SLIT3: variants seen among roughly 807,000 people sequenced by gnomAD.
SLIT3 encodes the protein slit guidance ligand 3.
In SLIT3, 68 loss-of-function variants were observed where a neutral mutation model predicts 184.0. That is an observed-to-expected ratio of 0.37 (90% CI 0.30 to 0.45). The LOEUF (loss-of-function observed/expected upper bound fraction) is 0.45, where lower values mean the gene tolerates loss of function less well. SLIT3 is among the 20% of genes least tolerant of loss of function. SLIT3 has a pLI of 1.00. For synonymous variants in SLIT3, 831 were observed against 828.6 expected, an observed-to-expected ratio of 1.00 and a Z score of -0.05; for missense variants, 1,707 against 2,026.0, an observed-to-expected ratio of 0.84 and a Z score of 3.02.
At chr5:169,248,800 C>T (rs1765681739) in intron 2 of SLIT3, among the ~76,000 whole-genome samples, 1 of 152,104 alleles carries the variant, frequency 6.6e-6, no homozygotes, top group Non-Finnish European at 1.5e-5. Context: ...TTGATACCAC[C>T]AGAAGAGACT....
intron 4 of SLIT3, among the ~76,000 whole-genome samples, chr5:168,992,378 A>G (rs1382352021): frequency 1.3e-5 from 2 of 152,260 alleles, no homozygotes; most frequent in African/African-American, 4.8e-5. Context: ...AGAAAGAATT[A>G]TGATGACCGA....
intron 11 of SLIT3, among the ~76,000 whole-genome samples, chr5:168,786,416 CCTAAG>C (rs1358652676): frequency 6.6e-6 from 1 of 152,172 alleles, no homozygotes; most frequent in Non-Finnish European, 1.5e-5. Context: ...CTTAGGAATT[CCTAAG>C]CTGAGTCATT....
chr5:169,001,400 C>T (rs1285583489), intron 4 of SLIT3, among the ~76,000 whole-genome samples: 8 of 152,142 alleles, frequency 5.3e-5, no homozygotes, highest in Non-Finnish European at 7.4e-5. Flanking sequence ...CTTTTGAGTT[C>T]GGCTTGAACA....
At chr5:169,045,853 G>A (rs1757605888) in intron 4 of SLIT3, among the ~76,000 whole-genome samples, 1 of 152,192 alleles carries the variant, frequency 6.6e-6, no homozygotes, top group Non-Finnish European at 1.5e-5. Flanking sequence ...AGATTGTTAA[G>A]TTTGTGCTCA....
At chr5:169,033,237 CT>C (rs758249610) in intron 4 of SLIT3, among the ~76,000 whole-genome samples, 1 of 152,084 alleles carries the variant, frequency 6.6e-6, no homozygotes, top group African/African-American at 2.4e-5. Flanking sequence ...GTTTATTTCA[CT>C]TAACACAGTG....
intron 14 of SLIT3, among the ~76,000 whole-genome samples, chr5:168,763,043 T>C (rs187017984): frequency 3.5e-4 from 53 of 152,240 alleles, no homozygotes; most frequent in Admixed American, 6.5e-4. Context: ...GTGTACAGTC[T>C]ACGATTTTAG....
At chr5:168,933,005 G>T (rs1007649480) in intron 4 of SLIT3, among the ~76,000 whole-genome samples, 2 of 152,164 alleles carry the variant, frequency 1.3e-5, no homozygotes, top group Non-Finnish European at 2.9e-5. Context: ...GCATACCAGG[G>T]AAAGAGAAAG....
intron 1 of SLIT3, among the ~76,000 whole-genome samples, chr5:169,260,422 A>G (rs1278261189): frequency 6.6e-6 from 1 of 152,198 alleles, no homozygotes; most frequent in East Asian, 1.9e-4. Flanking sequence ...CAGGGGATGC[A>G]GGAAGGATCA....
chr5:168,809,244 C>A (rs1392682863), intron 8 of SLIT3, among the ~76,000 whole-genome samples: 1 of 152,140 alleles, frequency 6.6e-6, no homozygotes, highest in Non-Finnish European at 1.5e-5. Context: ...GCTGGGTCTT[C>A]CGCAGGGTGA....
At chr5:169,054,956 C>G (rs1757943588) in intron 4 of SLIT3, among the ~76,000 whole-genome samples, 1 of 152,100 alleles carries the variant, frequency 6.6e-6, no homozygotes, top group Non-Finnish European at 1.5e-5. Context: ...TTTTCCAGAT[C>G]TTGAATTCTT....
At chr5:168,890,945 G>A (rs548211039) in intron 4 of SLIT3, among the ~76,000 whole-genome samples, 2 of 152,346 alleles carry the variant, frequency 1.3e-5, no homozygotes, top group South Asian at 2.1e-4. Flanking sequence ...TAGGTGCTAA[G>A]TTCACATCCC....
At chr5:168,934,282 G>A (rs1762083721) in intron 4 of SLIT3, among the ~76,000 whole-genome samples, 1 of 152,224 alleles carries the variant, frequency 6.6e-6, no homozygotes, top group Admixed American at 6.5e-5. Context: ...GAGCTCAACA[G>A]CCTGATGATT....
At chr5:168,765,367 AT>A (rs535271267) in intron 14 of SLIT3, among the ~76,000 whole-genome samples, 55 of 152,286 alleles carry the variant, frequency 3.6e-4, no homozygotes, top group Non-Finnish European at 6.6e-4. Flanking sequence ...TCTTTCCAGC[AT>A]TTTTCCCCCT....
intron 28 of SLIT3, among the ~76,000 whole-genome samples, chr5:168,693,766 C>T (rs12189023): frequency 0.022 from 3,360 of 152,250 alleles, 67 homozygotes; most frequent in Non-Finnish European, 0.034. Context: ...GCCCCTAAGT[C>T]TGTTCTTTGC....
chr5:168,711,002 C>G lies in SLIT3; in HGVS notation c.2612G>C (p.Trp871Ser). Residue 871 changes from tryptophan to serine, a missense_variant, in exon 25 of 36, where the codon TGG becomes TCG. Physicochemically the swap from Trp to Ser is radical, Grantham distance 177. Transcript: ENST00000519560. ...AGGCTCCTTGTACCCCGCCTTCACC[C>G]ACTCCGACAGCCACCGAAGACTGCA... ...CDCSLRWLSE[W>S]VKAGYKEPGI... 1 of 1,576,286 alleles carries G rather than the reference C, an allele frequency of 6.3e-7. No homozygotes were observed. The highest frequency in any genetic ancestry group is 8.6e-7 in the Non-Finnish European group (1 of 1,160,038).
At chr5:168,782,574 C>T (rs1756012996) in intron 12 of SLIT3, among the ~76,000 whole-genome samples, 1 of 152,278 alleles carries the variant, frequency 6.6e-6, no homozygotes, top group Admixed American at 6.5e-5. Context: ...AGGAGCAAGA[C>T]CATTCACCCT....
intron 6 of SLIT3, among the ~76,000 whole-genome samples, chr5:168,825,419 G>A (rs1012952639): frequency 3.9e-5 from 6 of 152,088 alleles, no homozygotes; most frequent in Admixed American, 6.6e-5. Flanking sequence ...TATCATCTGC[G>A]TGGTGAAAGG....
chr5:169,058,738 T>C (rs1028186506), intron 4 of SLIT3, among the ~76,000 whole-genome samples: 3 of 152,228 alleles, frequency 2.0e-5, no homozygotes, highest in African/African-American at 7.2e-5. Flanking sequence ...ATCTGTTTCC[T>C]ACTCTGGATA....
At chr5:168,973,193 C>T (rs895390253) in intron 4 of SLIT3, among the ~76,000 whole-genome samples, 21 of 152,176 alleles carry the variant, frequency 1.4e-4, no homozygotes, top group Non-Finnish European at 2.8e-4. Flanking sequence ...TGCACAGAAG[C>T]AAAACCATCT....
Sources: allele counts gnomAD v4.1 joint callset (sites outside exome capture counted in the v4.1 genomes callset), GRCh38; gene constraint gnomAD v4.1.1; transcripts MANE v1.5; gene names NCBI Gene and HGNC (gene_info 2026-07-23, HGNC 2026-07-21).